The following NCOA4 variants were observed in gnomAD, a reference collection of about 807,000 sequenced individuals.
NCOA4 encodes the protein 70 kDa AR-activator.
Under a neutral mutation model 69.5 loss-of-function variants are expected in NCOA4, and 31 were observed. That is an observed-to-expected ratio of 0.45 (90% CI 0.34 to 0.60). The LOEUF (loss-of-function observed/expected upper bound fraction) is 0.60, where lower values mean the gene tolerates loss of function less well. NCOA4 is among the 20% of genes least tolerant of loss of function. NCOA4 has a pLI of 0.02. For synonymous variants in NCOA4, 228 were observed against 252.4 expected (o/e 0.90, Z 0.92); for missense variants, 600 against 719.2 (o/e 0.83, Z 1.90).
chr10:46,013,476 T>A, intron 6 of NCOA4, 74 bp downstream of exon 6: 1 of 1,070,900 alleles, frequency 9.3e-7, no homozygotes, highest in Non-Finnish European at 1.4e-6. Context: ...AGCATTTTTT[T>A]AATGCTATAT....
Position 46,015,145 on chromosome 10 carries a change from T to G in NCOA4, c.263A>C (p.Gln88Pro). 6.2e-7 allele frequency: 1 copy of G among 1,614,228 alleles called. No homozygotes were observed. The change falls in exon 3 of 10, where the codon CAG (glutamine) becomes CCG (proline). Residue 88 changes from glutamine (Q) to proline (P), a missense_variant. Coordinates refer to ENST00000581486, the MANE Select transcript of NCOA4 (RefSeq NM_001145263.2). ...YQLKEETLQQ[Q>P]AQQLYSLLGQ... ...CCTTACCGAGTAGAGCTGCTGAGCC[T>G]GCTGTTGAAGTGTCTCCTCTTTAAG...
In NCOA4 at chr10:46,009,496, T is replaced by G. The variant is rs781946262; in HGVS notation, c.1754A>C (p.Tyr585Ser). Residue 585 changes from tyrosine to serine, a missense_variant, in exon 9 of 10, where the codon TAT (tyrosine) becomes TCT (serine). Transcript: ENST00000581486. ...QEEHNFPPDH[Y>S]GLPAVCDLFA... ...GAGATCACAAACTGCAGGGAGGCCA[T>G]AATGGTCTGGGGGGAAGTTATGTTC... is the stretch of plus-strand genomic sequence containing the variant. 6.2e-7 allele frequency: 1 copy of G among 1,611,512 alleles called. No homozygotes were observed. The highest frequency in any genetic ancestry group is 1.7e-5 in the Admixed American group (1 of 59,988).
chr10:46,009,527 G>A lies in NCOA4; in HGVS notation c.1723C>T (p.Gln575Ter). ...AQEVLLNSPL[Q>*]EEHNFPPDHY... ...TCTGGGGGGAAGTTATGTTCCTCCTGTAGAGGTGAATTAAGTAATACTTCC... is the reference window on the plus strand; with the variant it reads ...TCTGGGGGGAAGTTATGTTCCTCCTATAGAGGTGAATTAAGTAATACTTCC... Residue 575 changes from glutamine to a stop codon, truncating the protein, a stop_gained, in exon 9 of 10, where the codon CAG becomes TAG. Transcript: ENST00000581486. LOFTEE classifies it high-confidence loss of function. 3 of 1,609,170 alleles carry A rather than the reference G, an allele frequency of 1.9e-6. No individual in the cohort carries two copies. Among genetic ancestry groups the A allele is most frequent in the Non-Finnish European group, 2.5e-6 (3 of 1,178,716 alleles).
intron 5 of NCOA4, among the ~76,000 whole-genome samples, chr10:46,014,241 T>C (rs1554922477): frequency 6.6e-6 from 1 of 152,192 alleles, no homozygotes; most frequent in African/African-American, 2.4e-5. Context: ...GGTCTTGAAC[T>C]TCTGACCTCA....
At chr10:46,018,391 G>A (rs1192538953) in intron 1 of NCOA4, among the ~76,000 whole-genome samples, 2 of 152,282 alleles carry the variant, frequency 1.3e-5, no homozygotes, top group Non-Finnish European at 2.9e-5. Context: ...CTATGAATTC[G>A]CAGTGTGCTG....
rs1838811612 is a variant in NCOA4, at chr10:46,006,429, CAT to C, written c.*161_*162del. 2 of 746,554 alleles carry C rather than the reference CAT, an allele frequency of 2.7e-6. No homozygotes were observed. The highest frequency in any genetic ancestry group is 1.5e-5 in the South Asian group (1 of 66,084). 46.2% of individuals were successfully genotyped at this position (746,554 alleles called of 1,614,324 possible). On this transcript the variant is annotated 3_prime_UTR_variant, in exon 10 of 10. Coordinates refer to ENST00000581486, the MANE Select transcript of NCOA4 (RefSeq NM_001145263.2). ...AGCATTTTTCTTTTAAACAGTAACTCATAATCTGATGACTCACTTTGCTTTAC... is the reference window on the plus strand; with the variant it reads ...AGCATTTTTCTTTTAAACAGTAACTCAATCTGATGACTCACTTTGCTTTAC...
chr10:46,009,229 G>C (rs1554920504), intron 9 of NCOA4, 182 bp downstream of exon 9: 1 of 1,538,382 alleles, frequency 6.5e-7, no homozygotes, highest in Non-Finnish European at 8.8e-7. Context: ...AGTTAATAAA[G>C]CAAATTCAAT....
Position 46,015,995 on chromosome 10 carries a change from T to C in NCOA4, c.141+545A>G, listed in dbSNP as rs187937372. Among the ~76,000 whole-genome samples the C allele has an allele frequency of 2.4e-3, 370 of 152,306 alleles. 2 individuals are homozygous for C. Among genetic ancestry groups the C allele is most frequent in the African/African-American group, 8.4e-3 (348 of 41,568 alleles). On this transcript the variant is annotated intron_variant, in intron 2 of 9. Coordinates refer to ENST00000581486, the MANE Select transcript of NCOA4 (RefSeq NM_001145263.2). Reference sequence around the variant, plus strand: ...ATAAGAAACTGTATTTTAAAACACATTTTTTTCTGTTTAATAAAGTTGTGT... The same window carrying C: ...ATAAGAAACTGTATTTTAAAACACACTTTTTTCTGTTTAATAAAGTTGTGT...
At position 46,011,193 on chromosome 10, in the gene NCOA4, G is replaced by A. The variant is rs782795644; in HGVS notation, c.728C>T (p.Ala243Val). The A allele has an allele frequency of 1.3e-6, 2 of 1,589,604 alleles. No homozygotes were observed. The highest frequency in any genetic ancestry group is 2.3e-5 in the South Asian group (2 of 86,574). The change falls in exon 8 of 10, where the codon GCC becomes GTC. Residue 243 changes from alanine (A) to valine (V), a missense_variant. Physicochemically the swap from Ala to Val is moderately conservative, Grantham distance 64. Transcript: ENST00000581486. The stretch of plus-strand genomic sequence containing the variant: ...CCCGACATTATTGAAGAAATTGCAG[G>A]CTCTGGAAGAAGTCTACACAAAAAG... ...TLENSQTSSR[A>V]CNFFNNVGGN... is the part of the protein sequence containing the mutation.
At chr10:46,022,953 A>G (rs1003553935) in intron 1 of NCOA4, among the ~76,000 whole-genome samples, 13 of 152,196 alleles carry the variant, frequency 8.5e-5, no homozygotes, top group Admixed American at 7.2e-4. Context: ...ATAATAATAA[A>G]TTCACTATTG....
chr10:46,022,626 G>T (rs1222120262), intron 1 of NCOA4: 2 of 324,254 alleles, frequency 6.2e-6, no homozygotes, highest in Non-Finnish European at 1.3e-5. Flanking sequence ...CGCCACGCCC[G>T]GCTAATTTTT....
At chr10:46,023,085 C>A (rs1427642982) in intron 1 of NCOA4, among the ~76,000 whole-genome samples, 1 of 152,194 alleles carries the variant, frequency 6.6e-6, no homozygotes, top group Non-Finnish European at 1.5e-5. Flanking sequence ...GAAAACCGAC[C>A]GCAAGGCATT....
intron 6 of NCOA4, 65 bp from the exon 7 acceptor site, chr10:46,013,091 ACT>A: frequency 6.6e-7 from 1 of 1,514,506 alleles, no homozygotes; most frequent in South Asian, 1.2e-5. Context: ...GAGAAGAGCC[ACT>A]CTCTAATCTT....
rs201950736 is a variant in NCOA4, at chr10:46,016,527, G to A, written c.141+13C>T. ...AGAGTCCAGACAACAGAAGAGAAAAGCACATGTCACACCTCTCGCAAGTTA... is the reference window on the plus strand; with the variant it reads ...AGAGTCCAGACAACAGAAGAGAAAAACACATGTCACACCTCTCGCAAGTTA... On this transcript the variant is annotated intron_variant, in intron 2 of 9. Coordinates refer to ENST00000581486, the MANE Select transcript of NCOA4 (RefSeq NM_001145263.2). 7.5e-6 allele frequency: 11 copies of A among 1,467,498 alleles called. No individual in the cohort carries two copies. The Admixed American group carries it at 1.6e-4, about 22-fold the overall frequency. 90.9% of individuals were successfully genotyped at this position (1,467,498 alleles called of 1,614,324 possible).
chr10:46,016,728 A>AT, intron 1 of NCOA4, 34 bp from the exon 2 acceptor site: 7 of 1,345,480 alleles, frequency 5.2e-6, no homozygotes, highest in African/African-American at 4.4e-5. Context: ...AAATAGCACC[A>AT]TAATTACAAC....
At chr10:46,029,476 G>A (rs1201399052) in intron 1 of NCOA4, among the ~76,000 whole-genome samples, 1 of 152,084 alleles carries the variant, frequency 6.6e-6, no homozygotes, top group Non-Finnish European at 1.5e-5. Context: ...CTAGGATCTC[G>A]GTATAAAAAT....
intron 9 of NCOA4, 91 bp downstream of exon 9, chr10:46,009,320 C>A: frequency 6.6e-7 from 1 of 1,508,190 alleles, no homozygotes; most frequent in South Asian, 1.2e-5. Flanking sequence ...GGATATGGTT[C>A]AGTGAGCCAA....
At chr10:46,023,421 C>A in intron 1 of NCOA4, 2 of 985,730 alleles carry the variant, frequency 2.0e-6, no homozygotes, top group Non-Finnish European at 2.4e-6. Context: ...CGAGCCCGGG[C>A]CTCGTCCCGC....
intron 1 of NCOA4, among the ~76,000 whole-genome samples, chr10:46,028,191 G>A (rs1178310839): frequency 6.6e-6 from 1 of 152,090 alleles, no homozygotes; most frequent in African/African-American, 2.4e-5. Flanking sequence ...CTGCTCAGAG[G>A]TCATCTTCTC....
Sources: gnomAD v4.1 joint callset for allele counts (sites outside exome capture counted in the v4.1 genomes callset) on GRCh38, gnomAD v4.1.1 for gene constraint, MANE v1.5 for transcripts, NCBI Gene and HGNC (gene_info 2026-07-23, HGNC 2026-07-21) for gene names.